SYTL5: variants seen among roughly 807,000 people sequenced by gnomAD.
SYTL5 encodes synaptotagmin like 5.
Under a neutral mutation model 55.9 loss-of-function variants are expected in SYTL5, and 34 were observed. The observed-to-expected ratio is 0.61, with a 90% CI of 0.46 to 0.81. The LOEUF (loss-of-function observed/expected upper bound fraction) is 0.81, where lower values mean the gene tolerates loss of function less well. Among genes scored for constraint, SYTL5 ranks in the 30% least tolerant of loss-of-function variants. The pLI is 0.00. For missense variants in SYTL5, 637 were observed against 546.7 expected (o/e 1.17, Z -1.65); for synonymous variants, 221 against 188.7 (o/e 1.17, Z -1.40).
chrX:38,029,112 C>T (rs1246054439), intron 1 of SYTL5, among the ~76,000 whole-genome samples: 1 of 111,989 alleles, frequency 8.9e-6, no homozygotes, highest in African/African-American at 3.2e-5. Context: ...GATTAGTGCT[C>T]TAAGAAAAAC....
At chrX:38,025,708 A>G (rs922493983) in intron 1 of SYTL5, among the ~76,000 whole-genome samples, 2 of 112,373 alleles carry the variant, frequency 1.8e-5, no homozygotes, top group Non-Finnish European at 3.8e-5. Flanking sequence ...GCCCCATTTA[A>G]CTAAAAGAAT....
At chrX:37,934,961 A>G in the SYTL5 span, among the ~76,000 whole-genome samples, 1 of 111,145 alleles carries the variant, frequency 9.0e-6, no homozygotes, top group South Asian at 3.8e-4. Context: ...ATGGCCAAAA[A>G]CTTCACAAAT....
At chrX:38,024,213 T>C (rs1185824121) in intron 1 of SYTL5, among the ~76,000 whole-genome samples, 3 of 110,196 alleles carry the variant, frequency 2.7e-5, no homozygotes, top group Non-Finnish European at 5.7e-5. Flanking sequence ...AATTGAATCA[T>C]GGAATCATGG....
chrX:37,927,906 GA>G, the SYTL5 span, among the ~76,000 whole-genome samples: 6 of 111,923 alleles, frequency 5.4e-5, no homozygotes, highest in Non-Finnish European at 9.4e-5. Context: ...TCTTGGAAGT[GA>G]AAAAATGGCC....
the SYTL5 span, among the ~76,000 whole-genome samples, chrX:37,969,358 A>G: frequency 9.0e-6 from 1 of 111,635 alleles, no homozygotes; most frequent in East Asian, 2.8e-4. Flanking sequence ...GGTTATGTAA[A>G]TTAGAAGGCA....
intron 1 of SYTL5, among the ~76,000 whole-genome samples, chrX:38,013,508 C>T (rs1934253043): frequency 9.0e-6 from 1 of 111,377 alleles, no homozygotes; most frequent in African/African-American, 3.3e-5. Flanking sequence ...GAGGATTTAC[C>T]GTGACTCAAG....
the SYTL5 span, among the ~76,000 whole-genome samples, chrX:37,909,111 C>G: frequency 3.7e-5 from 4 of 107,109 alleles, no homozygotes; most frequent in African/African-American, 1.4e-4. Context: ...ACTACTGCCC[C>G]CCTCCCCCAC....
chrX:38,020,752 A>C (rs1420786703), intron 1 of SYTL5, among the ~76,000 whole-genome samples: 1 of 110,178 alleles, frequency 9.1e-6, no homozygotes, highest in Non-Finnish European at 1.9e-5. Flanking sequence ...GAGAATAGAA[A>C]CGATGGAGGG....
At chrX:38,101,635 ATGTGTATATATGTATGTGTGTG>A (rs1163622646) in intron 9 of SYTL5, among the ~76,000 whole-genome samples, 2 of 109,488 alleles carry the variant, frequency 1.8e-5, no homozygotes, top group African/African-American at 6.7e-5. Context: ...CAATCTATCT[ATGTGTATATATGTATGTGTGTG>A]TGTGTATATA....
chrX:37,995,474 T>C, the SYTL5 span, among the ~76,000 whole-genome samples: 4,331 of 111,914 alleles, frequency 0.039, 210 homozygotes, highest in African/African-American at 0.13. Flanking sequence ...AGGCAACTCA[T>C]TGTGAAGATG....
intron 15 of SYTL5, among the ~76,000 whole-genome samples, chrX:38,123,280 C>T (rs1200909075): frequency 9.0e-6 from 1 of 111,568 alleles, no homozygotes; most frequent in Non-Finnish European, 1.9e-5. Context: ...GCTGGGATTA[C>T]AGGTATTTTT....
chrX:38,123,433 G>A (rs1937594026), intron 15 of SYTL5, among the ~76,000 whole-genome samples: 1 of 112,127 alleles, frequency 8.9e-6, no homozygotes, highest in Middle Eastern at 4.7e-3. Context: ...CTGGCCACAT[G>A]TTCTAACTTT....
the SYTL5 span, among the ~76,000 whole-genome samples, chrX:37,894,457 A>G: frequency 8.9e-6 from 1 of 111,968 alleles, no homozygotes; most frequent in African/African-American, 3.2e-5. Context: ...TTTTTAAATA[A>G]GATGAGAGTA....
the SYTL5 span, among the ~76,000 whole-genome samples, chrX:37,951,141 A>G: frequency 9.0e-6 from 1 of 111,071 alleles, no homozygotes; most frequent in Non-Finnish European, 1.9e-5. Context: ...CCATCTGACT[A>G]AGAAGCCCTG....
At chrX:37,900,039 C>T in the SYTL5 span, among the ~76,000 whole-genome samples, 2 of 111,546 alleles carry the variant, frequency 1.8e-5, no homozygotes, top group Non-Finnish European at 3.8e-5. Context: ...TGTGCTTGTC[C>T]GTATAGAATA....
At chrX:37,986,966 C>T in the SYTL5 span, among the ~76,000 whole-genome samples, 291 of 111,479 alleles carry the variant, frequency 2.6e-3, 2 homozygotes, top group African/African-American at 8.7e-3. Flanking sequence ...GTGCTGCACC[C>T]ATTAACTCAT....
intron 2 of SYTL5, among the ~76,000 whole-genome samples, chrX:38,038,372 G>A (rs1476472249): frequency 9.0e-6 from 1 of 111,545 alleles, no homozygotes; most frequent in South Asian, 3.8e-4. Flanking sequence ...CACCACTTAT[G>A]GCTATTCCTT....
chrX:38,005,309 A>G (rs896908358), upstream of SYTL5, among the ~76,000 whole-genome samples: 3 of 111,847 alleles, frequency 2.7e-5, no homozygotes, highest in African/African-American at 9.7e-5. Context: ...TCCAATATGC[A>G]ATAAAAAAAT....
chrX:37,910,315 C>T, the SYTL5 span, among the ~76,000 whole-genome samples: 1 of 111,877 alleles, frequency 8.9e-6, no homozygotes, highest in Non-Finnish European at 1.9e-5. Context: ...GTGTCCTAAT[C>T]TCTTCTTATA....
Sources: gnomAD v4.1 joint callset for allele counts (sites outside exome capture counted in the v4.1 genomes callset) on GRCh38, gnomAD v4.1.1 for gene constraint, MANE v1.5 for transcripts, NCBI Gene and HGNC (gene_info 2026-07-23, HGNC 2026-07-21) for gene names.